Variants in OPA1 observed in about 807,000 individuals in gnomAD.
OPA1 encodes OPA1 mitochondrial dynamin like GTPase.
In OPA1, 59 loss-of-function variants were observed where a neutral mutation model predicts 152.9. The ratio of observed to expected loss-of-function variants is 0.39; its 90% confidence interval spans 0.31 to 0.48. OPA1 has a LOEUF of 0.48. OPA1 is among the 20% of genes least tolerant of loss of function. The pLI, the probability that OPA1 is intolerant of heterozygous loss-of-function variation, is 0.96. For missense variants in OPA1, 1,008 were observed against 1,216.8 expected, an observed-to-expected ratio of 0.83 and a Z score of 2.55; for synonymous variants, 400 against 389.9, an observed-to-expected ratio of 1.03 and a Z score of -0.31.
chr3:193,694,014 C>G (rs1577416562), intron 30 of OPA1, among the ~76,000 whole-genome samples: 1 of 152,166 alleles, frequency 6.6e-6, no homozygotes, highest in Non-Finnish European at 1.5e-5. Context: ...AATGAGGAAG[C>G]TGAAAGCCAG....
At chr3:193,632,154 C>T (rs1035413708) in intron 8 of OPA1, among the ~76,000 whole-genome samples, 4 of 152,150 alleles carry the variant, frequency 2.6e-5, no homozygotes, top group Admixed American at 1.3e-4. Flanking sequence ...CTATTTTGTG[C>T]AATGTAATGA....
At position 193,697,614 on chromosome 3, in the gene OPA1, T is replaced by C. The variant is rs1050595483; in HGVS notation, c.*3014T>C. The stretch of plus-strand genomic sequence containing the variant: ...AAACCTGTATACCTAGGGTCATTAT[T>C]TGACCCCATAGTATAACCAGATTCA... On this transcript the variant is annotated 3_prime_UTR_variant, in exon 31 of 31. Transcript: ENST00000361510. 3 of 152,204 alleles carry C rather than the reference T, an allele frequency of 2.0e-5. No homozygotes were observed. The highest frequency in any genetic ancestry group is 2.0e-4 in the Admixed American group (3 of 15,284). The allele number at this position is 152,204 out of a possible 1,614,324, so 9.4% of individuals were successfully genotyped here. A position where few individuals can be genotyped will look rare whatever the true frequency, so the allele number is the denominator to read the frequency against.
In OPA1 at chr3:193,593,327, G is replaced by C. The variant is rs1164460602; in HGVS notation, c.-51G>C. 1 of 1,532,518 alleles carries C rather than the reference G, an allele frequency of 6.5e-7. No individual in the cohort carries two copies. Among genetic ancestry groups the C allele is most frequent in the Non-Finnish European group, 8.8e-7 (1 of 1,137,786 alleles). 94.9% of individuals were successfully genotyped at this position (1,532,518 alleles called of 1,614,324 possible). A position where few individuals can be genotyped will look rare whatever the true frequency, so the allele number is the denominator to read the frequency against. On this transcript the variant is annotated 5_prime_UTR_variant, in exon 1 of 31. Coordinates refer to ENST00000361510, the MANE Select transcript of OPA1 (RefSeq NM_130837.3). ...CGGGAGCCGGGCTGGGGCTCACACG[G>C]GGGCTCCCGCGTGGCCGTCTCGGCG...
intron 1 of OPA1, among the ~76,000 whole-genome samples, chr3:193,602,690 C>T (rs1266092636): frequency 6.6e-6 from 1 of 152,110 alleles, no homozygotes; most frequent in Non-Finnish European, 1.5e-5. Flanking sequence ...TTTTCAAATG[C>T]CATTTGTTCT....
Position 193,662,723 on chromosome 3 carries a change from C to A in OPA1, c.2521-99C>A, listed in dbSNP as rs1294321501. ...TTTGTTGTGATTAAGCTTGTGTTATCTTTTATGCAATAGTAATGTATTTAT... is the reference window on the plus strand; with the variant it reads ...TTTGTTGTGATTAAGCTTGTGTTATATTTTATGCAATAGTAATGTATTTAT... On this transcript the variant is annotated intron_variant, in intron 25 of 30. Coordinates refer to ENST00000361510, the MANE Select transcript of OPA1 (RefSeq NM_130837.3). 18 of 963,370 alleles carry A rather than the reference C, an allele frequency of 1.9e-5. No individual in the cohort carries two copies. The East Asian group carries it at 4.4e-4, about 24-fold the overall frequency. 59.7% of individuals were successfully genotyped at this position (963,370 alleles called of 1,614,324 possible).
In OPA1 at chr3:193,653,864, A is replaced by C. The variant is rs113836520; in HGVS notation, c.2013-998A>C. Among the ~76,000 whole-genome samples the C allele has an allele frequency of 2.8e-4, 42 of 152,320 alleles. 1 individual carries two copies. The highest frequency in any genetic ancestry group is 4.3e-4 in the African/African-American group (18 of 41,578). Reference sequence around the variant, plus strand: ...ACGTAAAACCACAATGACCACTATAAACTTACTAAAATGGCTACAATTTTA... The same window carrying C: ...ACGTAAAACCACAATGACCACTATACACTTACTAAAATGGCTACAATTTTA... On this transcript the variant is annotated intron_variant, in intron 21 of 30. Coordinates refer to ENST00000361510, the MANE Select transcript of OPA1 (RefSeq NM_130837.3).
chr3:193,606,779 C>T (rs894144060), intron 1 of OPA1, among the ~76,000 whole-genome samples: 21 of 152,242 alleles, frequency 1.4e-4, no homozygotes, highest in African/African-American at 5.1e-4. Flanking sequence ...TGGGTATATA[C>T]CCAGTAATGG....
intron 16 of OPA1, 23 bp from the exon 17 acceptor site, chr3:193,645,530 A>C: frequency 6.3e-7 from 1 of 1,588,514 alleles, no homozygotes; most frequent in Non-Finnish European, 8.6e-7. Context: ...TCTCACATTA[A>C]TTTTTCCCAC....
At chr3:193,657,347 GAAGTA>G (rs1714101513) in intron 23 of OPA1, 115 bp downstream of exon 23, 1 of 1,027,966 alleles carries the variant, frequency 9.7e-7, no homozygotes, top group Admixed American at 1.9e-5. Context: ...TAAAAATAAT[GAAGTA>G]AAGAAACAGA....
intron 21 of OPA1, among the ~76,000 whole-genome samples, chr3:193,652,255 G>A (rs980354387): frequency 2.5e-4 from 38 of 152,060 alleles, no homozygotes; most frequent in African/African-American, 8.9e-4. Context: ...GGTGGTGCAC[G>A]CTTGTAATCC....
intron 6 of OPA1, chr3:193,619,743 A>G (rs1195514915): frequency 2.0e-5 from 3 of 152,208 alleles, no homozygotes; most frequent in Admixed American, 6.5e-5. Context: ...TTCATGTAAT[A>G]TGGAACATGT....
At chr3:193,597,286 G>A (rs1296640177) in intron 1 of OPA1, among the ~76,000 whole-genome samples, 1 of 152,150 alleles carries the variant, frequency 6.6e-6, no homozygotes, top group African/African-American at 2.4e-5. Flanking sequence ...CAATGAGGAG[G>A]TGTCAACATT....
chr3:193,602,988 T>C (rs1726692320), intron 1 of OPA1, among the ~76,000 whole-genome samples: 1 of 152,204 alleles, frequency 6.6e-6, no homozygotes, highest in Non-Finnish European at 1.5e-5. Context: ...ATGAAGTCCA[T>C]CTGTAAATGT....
chr3:193,691,814 T>G, intron 29 of OPA1: 1 of 389,852 alleles, frequency 2.6e-6, no homozygotes. Context: ...TTTTTCCATG[T>G]TAAGAGTCCA....
intron 29 of OPA1, 114 bp downstream of exon 29, chr3:193,667,394 A>G: frequency 1.4e-6 from 1 of 736,096 alleles, no homozygotes; most frequent in Non-Finnish European, 2.5e-6. Flanking sequence ...AACTGGGCTG[A>G]GCACGGTGGC....
Position 193,667,276 on chromosome 3 carries a change from C to A in OPA1, c.2979C>A (p.Asp993Glu). ...LTGKRVQLAE[D>E]LKKVREIQEK... ...GTAAACGCGTTCAACTGGCGGAAGA[C>A]CTCAGTGAGTAGTTCTTACTGCCCT... The change falls in exon 29 of 31, where the codon GAC (aspartate) becomes GAA (glutamate). Residue 993 changes from aspartate (D) to glutamate (E), a missense_variant. By Grantham distance (45) the Asp-to-Glu change is conservative. Coordinates refer to ENST00000361510, the MANE Select transcript of OPA1 (RefSeq NM_130837.3). The A allele has an allele frequency of 1.4e-6, 2 of 1,476,212 alleles. No homozygotes were observed. Among genetic ancestry groups the A allele is most frequent in the Non-Finnish European group, 1.9e-6 (2 of 1,054,150 alleles). 91.4% of individuals were successfully genotyped at this position (1,476,212 alleles called of 1,614,324 possible). A position where few individuals can be genotyped will look rare whatever the true frequency, so the allele number is the denominator to read the frequency against.
At chr3:193,691,300 G>C (rs924736173) in intron 29 of OPA1, 11 of 152,212 alleles carry the variant, frequency 7.2e-5, no homozygotes, top group Non-Finnish European at 1.2e-4. Flanking sequence ...GGATTGGCAT[G>C]TACTATGAGC....
chr3:193,640,607 G>T (rs1254073593), intron 11 of OPA1, among the ~76,000 whole-genome samples: 2 of 152,188 alleles, frequency 1.3e-5, no homozygotes, highest in East Asian at 3.8e-4. Context: ...AAAAAGTGAA[G>T]TCTGTTAACA....
chr3:193,633,613 G>C (rs1300522839), intron 8 of OPA1, among the ~76,000 whole-genome samples: 1 of 152,126 alleles, frequency 6.6e-6, no homozygotes, highest in African/African-American at 2.4e-5. Flanking sequence ...CAAGCCACCT[G>C]TGTAATTTTT....
Sources: allele counts gnomAD v4.1 joint callset (sites outside exome capture counted in the v4.1 genomes callset), GRCh38; gene constraint gnomAD v4.1.1; transcripts MANE v1.5; gene names NCBI Gene and HGNC (gene_info 2026-07-23, HGNC 2026-07-21).